DNAH3: variants seen among roughly 807,000 people sequenced by gnomAD.
The protein encoded by DNAH3 is dynein axonemal heavy chain 3, also known as axonemal beta dynein heavy chain 3.
A neutral mutation model predicts 432.5 loss-of-function variants in DNAH3; 332 were observed. The observed-to-expected ratio is 0.77, with a 90% CI of 0.70 to 0.84. DNAH3 has a LOEUF of 0.84. Ranked by LOEUF, DNAH3 falls within the 40% of genes least tolerant of loss-of-function variation. The pLI, the probability that DNAH3 is intolerant of heterozygous loss-of-function variation, is 0.00. For missense variants in DNAH3, 4,861 were observed against 5,114.0 expected (o/e 0.95, Z 1.51); for synonymous variants, 1,956 against 1,900.2 (o/e 1.03, Z -0.76).
At chr16:21,082,827 CA>C (rs67337540) in intron 19 of DNAH3, among the ~76,000 whole-genome samples, 104,330 of 133,920 alleles carry the variant, frequency 0.78, 38,166 homozygotes, top group Middle Eastern at 0.82. Context: ...GACTCCATCT[CA>C]AAAAAAAAAA....
At chr16:21,025,194 C>A (rs2088480511) in intron 38 of DNAH3, among the ~76,000 whole-genome samples, 1 of 152,094 alleles carries the variant, frequency 6.6e-6, no homozygotes, top group Non-Finnish European at 1.5e-5. Flanking sequence ...TCCACCTGGG[C>A]CTCCCAAAGC....
At chr16:21,040,077 G>A in intron 32 of DNAH3, 134 bp from the exon 33 acceptor site, 2 of 749,322 alleles carry the variant, frequency 2.7e-6, no homozygotes, top group South Asian at 1.6e-5. Context: ...AGAAGGACTG[G>A]GGGACAAGTG....
At position 21,013,734 on chromosome 16, in the gene DNAH3, A is replaced by T. The variant is rs542647811; in HGVS notation, c.6022+5890T>A. Among the ~76,000 whole-genome samples, 440 of 151,404 alleles carry T rather than the reference A, an allele frequency of 2.9e-3. 4 individuals are homozygous for T. The highest frequency in any genetic ancestry group is 4.2e-3 in the Non-Finnish European group (284 of 67,836). On this transcript the variant is annotated intron_variant, in intron 41 of 61. Coordinates refer to ENST00000261383, the Ensembl canonical transcript of DNAH3. ...AACTCCATCTCAAAAAAAAAAAAAA[A>T]AAAAAACTAAAAAAATGAAAGACAG... is the stretch of plus-strand genomic sequence containing the variant.
intron 56 of DNAH3, among the ~76,000 whole-genome samples, chr16:20,951,899 A>G (rs1330326636): frequency 6.6e-6 from 1 of 151,752 alleles, no homozygotes; most frequent in Non-Finnish European, 1.5e-5. Context: ...ACTGGCCACC[A>G]TGCCCGGCTA....
exon 17 of DNAH3, chr16:21,098,766 G>C: frequency 6.2e-7 from 1 of 1,607,068 alleles, no homozygotes; most frequent in Non-Finnish European, 8.5e-7. Context: ...CAAATTCTGA[G>C]CATCTGAAAA....
intron 3 of DNAH3, 58 bp downstream of exon 4, chr16:21,145,123 T>A (rs936613633): frequency 1.4e-6 from 2 of 1,385,686 alleles, no homozygotes; most frequent in Non-Finnish European, 2.0e-6. Context: ...AATAAATAAA[T>A]AAATAAAAAT....
chr16:21,121,082 T>A (rs547527165), intron 10 of DNAH3: 1 of 650,424 alleles, frequency 1.5e-6, no homozygotes, highest in African/African-American at 1.8e-5. Context: ...GCAAGGCCCA[T>A]GTGAAGCATA....
At chr16:20,972,273 G>A (rs2085377528) in intron 51 of DNAH3, among the ~76,000 whole-genome samples, 1 of 147,248 alleles carries the variant, frequency 6.8e-6, no homozygotes, top group African/African-American at 2.5e-5. Context: ...TTACTCCGTT[G>A]TCCAGGCTAG....
At chr16:20,997,085 C>T in intron 44 of DNAH3, 198 bp downstream of exon 44, 3 of 561,684 alleles carry the variant, frequency 5.3e-6, no homozygotes, top group South Asian at 2.5e-5. Context: ...AAACACTCCT[C>T]ACATCTTCTT....
At chr16:20,972,931 A>G in intron 51 of DNAH3, among the ~76,000 whole-genome samples, 1 of 151,514 alleles carries the variant, frequency 6.6e-6, no homozygotes, top group East Asian at 2.0e-4. Flanking sequence ...GTTTCACCAT[A>G]TTGGCCAGGC....
At chr16:21,077,265 C>T (rs1045167011) in intron 20 of DNAH3, among the ~76,000 whole-genome samples, 12 of 152,094 alleles carry the variant, frequency 7.9e-5, no homozygotes, top group African/African-American at 2.7e-4. Context: ...CGGATTCAAG[C>T]GATTCTCCTG....
At chr16:20,961,181 G>C (rs894954854) in intron 53 of DNAH3, among the ~76,000 whole-genome samples, 1 of 152,190 alleles carries the variant, frequency 6.6e-6, no homozygotes, top group African/African-American at 2.4e-5. Context: ...ACTGCATCGT[G>C]TCCCTAGCAA....
intron 23 of DNAH3, among the ~76,000 whole-genome samples, chr16:21,068,689 C>T (rs2090666555): frequency 2.0e-5 from 3 of 152,130 alleles, no homozygotes; most frequent in Admixed American, 1.3e-4. Context: ...TAGTATAACA[C>T]CTGGGTCATT....
rs866051174 is a variant in DNAH3, at chr16:20,961,140, T to G, written c.10601-1736A>C. Among the ~76,000 whole-genome samples, 39 of 152,320 alleles carry G rather than the reference T, an allele frequency of 2.6e-4. 1 individual carries two copies. Among genetic ancestry groups the G allele is most frequent in the Middle Eastern group, 6.8e-3 (2 of 294 alleles). ...GCACATAAAAAGATCAGGGTTAATA[T>G]TCTAAGGATTACATATGGTCTCTGT... On this transcript the variant is annotated intron_variant, in intron 53 of 61. Coordinates refer to ENST00000261383, the Ensembl canonical transcript of DNAH3.
Position 21,145,420 on chromosome 16 carries a change from A to G in DNAH3, c.223-14T>C, listed in dbSNP as rs542596827. 1.8e-5 allele frequency: 29 copies of G among 1,606,828 alleles called. No individual in the cohort carries two copies. The South Asian group carries it at 3.2e-4, about 18-fold the overall frequency. On this transcript the variant is annotated splice_polypyrimidine_tract_variant and intron_variant, in intron 2 of 61. Coordinates refer to ENST00000261383, the Ensembl canonical transcript of DNAH3. ...TGACATGACAGTCTACGAGGTAAGA[A>G]GTGCAGAGTGAGACACAATGAGGAA...
Position 21,153,164 on chromosome 16 carries a change from G to A in DNAH3, c.117+6161C>T, listed in dbSNP as rs539341338. On this transcript the variant is annotated intron_variant, in intron 1 of 61. Coordinates refer to ENST00000261383, the Ensembl canonical transcript of DNAH3. ...CTCAGGGTTTGTGAATGCACCAATC[G>A]ACACTCTGTATCTAGCTGCTCTGGT... 1.2e-3 allele frequency among the ~76,000 whole-genome samples: 182 copies of A among 151,836 alleles called. No homozygotes were observed. The Middle Eastern group carries it at 0.014, about 11-fold the overall frequency.
intron 1 of DNAH3, among the ~76,000 whole-genome samples, chr16:21,155,515 C>G (rs892834539): frequency 6.8e-6 from 1 of 147,836 alleles, no homozygotes; most frequent in South Asian, 2.2e-4. Flanking sequence ...CCAGCTACTC[C>G]GGAGGCTTTG....
chr16:20,964,953 C>G (rs778920435), exon 53 of DNAH3: 1 of 1,614,192 alleles, frequency 6.2e-7, no homozygotes, highest in Non-Finnish European at 8.5e-7. Context: ...ATCTGTCCTT[C>G]TCTCCCCCAA....
intron 43 of DNAH3, among the ~76,000 whole-genome samples, chr16:20,997,938 C>A (rs965741441): frequency 1.3e-5 from 2 of 151,734 alleles, no homozygotes; most frequent in Admixed American, 6.6e-5. Context: ...GCCTCGGAGG[C>A]AGAGGTTGCA....
Sources: allele counts gnomAD v4.1 joint callset (sites outside exome capture counted in the v4.1 genomes callset), GRCh38; gene constraint gnomAD v4.1.1; transcripts MANE v1.5; gene names NCBI Gene and HGNC (gene_info 2026-07-23, HGNC 2026-07-21).